CAMTA1: variants seen among roughly 807,000 people sequenced by gnomAD.
CAMTA1 encodes the protein calmodulin-binding transcription activator 1.
CAMTA1 carries 27 observed loss-of-function variants against 170.9 expected under a neutral mutation model. The ratio of observed to expected loss-of-function variants is 0.16; its 90% CI spans 0.12 to 0.22. The LOEUF is 0.22. Among genes scored for constraint, CAMTA1 ranks in the 10% least tolerant of loss-of-function variants. CAMTA1 has a pLI of 1.00. For missense variants in CAMTA1, 1,619 were observed against 2,217.2 expected, an observed-to-expected ratio of 0.73 and a Z score of 5.42; for synonymous variants, 833 against 891.5, an observed-to-expected ratio of 0.93 and a Z score of 1.17.
chr1:7,288,136 C>A (rs1334568825), intron 5 of CAMTA1, among the ~76,000 whole-genome samples: 1 of 152,192 alleles, frequency 6.6e-6, no homozygotes, highest in African/African-American at 2.4e-5. Flanking sequence ...GCCACCTGAC[C>A]TTCCCTGATA....
chr1:7,312,377 A>G (rs1676862612), intron 5 of CAMTA1, among the ~76,000 whole-genome samples: 1 of 110,302 alleles, frequency 9.1e-6, no homozygotes, highest in African/African-American at 3.8e-5. Flanking sequence ...TTGCTCCTTG[A>G]GCTGCAACCA....
chr1:6,979,106 G>A (rs975730135), intron 3 of CAMTA1, among the ~76,000 whole-genome samples: 4 of 152,160 alleles, frequency 2.6e-5, no homozygotes, highest in Non-Finnish European at 2.9e-5. Context: ...GAGGGAGTGC[G>A]GAGGACAGCA....
At chr1:7,030,774 G>T (rs1384825006) in intron 3 of CAMTA1, among the ~76,000 whole-genome samples, 1 of 151,822 alleles carries the variant, frequency 6.6e-6, no homozygotes, top group East Asian at 1.9e-4. Flanking sequence ...CTGTTAGAAT[G>T]TTCTACAAAT....
intron 10 of CAMTA1, chr1:7,672,112 T>A (rs955446849): frequency 8.8e-6 from 4 of 455,128 alleles, no homozygotes; most frequent in Non-Finnish European, 1.8e-5. Flanking sequence ...GGGGTAAGGA[T>A]GCAGGGGTGC....
chr1:7,084,195 A>G (rs569257413), intron 3 of CAMTA1, among the ~76,000 whole-genome samples: 3 of 152,124 alleles, frequency 2.0e-5, no homozygotes, highest in Non-Finnish European at 4.4e-5. Flanking sequence ...GTACACACAT[A>G]TATACATTTG....
At chr1:7,431,954 G>A (rs1312272866) in intron 5 of CAMTA1, among the ~76,000 whole-genome samples, 1 of 152,196 alleles carries the variant, frequency 6.6e-6, no homozygotes. Flanking sequence ...TAGGACCCCC[G>A]AAGGCAGCGA....
chr1:7,766,068 T>G (rs1383665645), intron 22 of CAMTA1, among the ~76,000 whole-genome samples: 1 of 151,884 alleles, frequency 6.6e-6, no homozygotes, highest in Non-Finnish European at 1.5e-5. Context: ...ATGTACAGTT[T>G]CCCTAATTTA....
Position 7,745,010 on chromosome 1 carries a change from C to T in CAMTA1, c.4358C>T (p.Ala1453Val). 2 of 1,612,188 alleles carry T rather than the reference C, an allele frequency of 1.2e-6. No individual in the cohort carries two copies. The highest frequency in any genetic ancestry group is 1.7e-6 in the Non-Finnish European group (2 of 1,179,164). ...YLADADCLPS[A>V]AQIRSAYNEP... Reference sequence around the variant, plus strand: ...GCGGATGCTGACTGCCTTCCCAGTGCTGCCCAGATCCGGTGAGTAAAGTTA... The same window carrying T: ...GCGGATGCTGACTGCCTTCCCAGTGTTGCCCAGATCCGGTGAGTAAAGTTA... The change falls in exon 17 of 23, where the codon GCT becomes GTT. Residue 1453 changes from alanine (A) to valine (V), a missense_variant. Coordinates refer to ENST00000303635, the MANE Select transcript of CAMTA1 (RefSeq NM_015215.4).
intron 3 of CAMTA1, among the ~76,000 whole-genome samples, chr1:6,989,462 T>A (rs945206326): frequency 3.3e-5 from 5 of 152,232 alleles, no homozygotes; most frequent in Admixed American, 3.3e-4. Flanking sequence ...GTCCAACTTA[T>A]CTCTTTAGAA....
intron 3 of CAMTA1, among the ~76,000 whole-genome samples, chr1:6,832,073 C>T (rs962120832): frequency 1.3e-5 from 2 of 151,618 alleles, no homozygotes; most frequent in African/African-American, 4.9e-5. Context: ...AACATCAAGC[C>T]ACCTTATTTT....
At chr1:7,324,149 T>A (rs1235250270) in intron 5 of CAMTA1, among the ~76,000 whole-genome samples, 2 of 152,218 alleles carry the variant, frequency 1.3e-5, no homozygotes, top group Non-Finnish European at 2.9e-5. Flanking sequence ...CTGCTCTATG[T>A]TGCTTTAAAG....
At chr1:7,646,571 C>A (rs932145864) in intron 7 of CAMTA1, among the ~76,000 whole-genome samples, 1 of 149,484 alleles carries the variant, frequency 6.7e-6, no homozygotes, top group Non-Finnish European at 1.5e-5. Context: ...TGGGTGGAGG[C>A]CCTGGTGAGT....
intron 5 of CAMTA1, among the ~76,000 whole-genome samples, chr1:7,269,713 G>C (rs1332279196): frequency 6.6e-6 from 1 of 152,184 alleles, no homozygotes; most frequent in Non-Finnish European, 1.5e-5. Context: ...GAGTGTGGTA[G>C]AGTATCAGAG....
intron 3 of CAMTA1, among the ~76,000 whole-genome samples, chr1:7,027,835 G>T (rs17030154): frequency 0.017 from 2,626 of 152,090 alleles, 81 homozygotes; most frequent in African/African-American, 0.058. Flanking sequence ...CTTTTTATTT[G>T]TTCCCTTCAG....
chr1:7,603,287 A>C (rs1436904247), intron 6 of CAMTA1, among the ~76,000 whole-genome samples: 1 of 152,210 alleles, frequency 6.6e-6, no homozygotes, highest in Non-Finnish European at 1.5e-5. Flanking sequence ...GTGGGGTGTT[A>C]AAGTCTCCCA....
chr1:7,365,820 G>A (rs939808412), intron 5 of CAMTA1, among the ~76,000 whole-genome samples: 5 of 152,184 alleles, frequency 3.3e-5, no homozygotes, highest in Admixed American at 1.3e-4. Flanking sequence ...TGGAGTCAGG[G>A]GAGCTGGTTC....
At chr1:7,186,187 G>A (rs1653228313) in intron 4 of CAMTA1, among the ~76,000 whole-genome samples, 1 of 152,002 alleles carries the variant, frequency 6.6e-6, no homozygotes, top group Non-Finnish European at 1.5e-5. Context: ...AGAGAGAGAG[G>A]GAAGGAAGGG....
chr1:6,925,312 C>G (rs1682875187), intron 3 of CAMTA1, among the ~76,000 whole-genome samples: 1 of 152,256 alleles, frequency 6.6e-6, no homozygotes, highest in Non-Finnish European at 1.5e-5. Context: ...TCATGCCTCC[C>G]CTGCGCGTCA....
chr1:6,902,039 T>TCTCACACACA (rs1553180384), intron 3 of CAMTA1, among the ~76,000 whole-genome samples: 1 of 114,344 alleles, frequency 8.7e-6, no homozygotes, highest in African/African-American at 3.5e-5. Context: ...GGTGAGACTG[T>TCTCACACACA]CACACACACA....
Sources: gnomAD v4.1 joint callset for allele counts (sites outside exome capture counted in the v4.1 genomes callset) on GRCh38, gnomAD v4.1.1 for gene constraint, MANE v1.5 for transcripts, NCBI Gene and HGNC (gene_info 2026-07-23, HGNC 2026-07-21) for gene names.